Variants in STX8 observed in about 807,000 individuals in gnomAD.
The protein encoded by STX8 is syntaxin-8.
A neutral mutation model predicts 37.5 loss-of-function variants in STX8; 23 were observed. The ratio of observed to expected loss-of-function variants is 0.61; its 90% confidence interval spans 0.44 to 0.87. The LOEUF (loss-of-function observed/expected upper bound fraction) is 0.87. Among genes scored for constraint, STX8 ranks in the 40% least tolerant of loss-of-function variants. STX8 has a pLI of 0.00. For missense variants in STX8, 313 were observed against 284.7 expected, an observed-to-expected ratio of 1.10 and a Z score of -0.71; for synonymous variants, 115 against 99.1, an observed-to-expected ratio of 1.16 and a Z score of -0.95.
intron 7 of STX8, among the ~76,000 whole-genome samples, chr17:9,313,279 A>T (rs1278501977): frequency 6.6e-6 from 1 of 152,158 alleles, no homozygotes; most frequent in Non-Finnish European, 1.5e-5. Context: ...AGAAAGTCAA[A>T]ACGTATCAGT....
intron 6 of STX8, among the ~76,000 whole-genome samples, chr17:9,379,949 C>G (rs1448664553): frequency 1.3e-5 from 2 of 149,248 alleles, no homozygotes; most frequent in Non-Finnish European, 3.0e-5. Context: ...GTTTGGGCGA[C>G]AGAGAGAGAC....
intron 7 of STX8, among the ~76,000 whole-genome samples, chr17:9,376,143 C>T (rs373045249): frequency 3.9e-5 from 6 of 152,130 alleles, no homozygotes; most frequent in East Asian, 1.9e-4. Context: ...ACTTCTGGGT[C>T]GGGTGGGGAC....
intron 3 of STX8, among the ~76,000 whole-genome samples, chr17:9,550,817 G>A (rs1906731786): frequency 6.6e-6 from 1 of 152,168 alleles, no homozygotes; most frequent in Admixed American, 6.6e-5. Context: ...GCTCACACCT[G>A]TAATCCCAGC....
At chr17:9,260,665 C>T (rs1182640726) in intron 7 of STX8, among the ~76,000 whole-genome samples, 1 of 151,894 alleles carries the variant, frequency 6.6e-6, no homozygotes, top group Non-Finnish European at 1.5e-5. Flanking sequence ...CAACTGTGGT[C>T]TTTTGGGGTG....
At chr17:9,573,888 TAAAAC>T (rs769703891) in intron 1 of STX8, among the ~76,000 whole-genome samples, 13 of 151,904 alleles carry the variant, frequency 8.6e-5, no homozygotes, top group Non-Finnish European at 1.6e-4. Flanking sequence ...TTTGCAATGA[TAAAAC>T]AAAACAAAAC....
chr17:9,362,419 T>A (rs1457282572), intron 7 of STX8, among the ~76,000 whole-genome samples: 1 of 152,226 alleles, frequency 6.6e-6, no homozygotes, highest in Non-Finnish European at 1.5e-5. Flanking sequence ...CAATTACTTT[T>A]GAACACAGAA....
At chr17:9,460,754 T>C (rs913878052) in intron 6 of STX8, among the ~76,000 whole-genome samples, 1 of 152,054 alleles carries the variant, frequency 6.6e-6, no homozygotes, top group Admixed American at 6.5e-5. Flanking sequence ...AGTAAATATG[T>C]ATATGGTGGT....
At chr17:9,429,764 AT>A (rs375400269) in intron 6 of STX8, among the ~76,000 whole-genome samples, 1 of 23,806 alleles carries the variant, frequency 4.2e-5, no homozygotes, top group Admixed American at 6.3e-4. Flanking sequence ...TATTTTATAT[AT>A]TATATATAAC....
intron 4 of STX8, among the ~76,000 whole-genome samples, chr17:9,505,604 A>G (rs901439951): frequency 7.2e-5 from 11 of 152,134 alleles, no homozygotes; most frequent in African/African-American, 2.7e-4. Flanking sequence ...ACAGATTACA[A>G]TGTTGTTGTT....
chr17:9,428,239 TG>T (rs1276673952), intron 6 of STX8, among the ~76,000 whole-genome samples: 1 of 147,580 alleles, frequency 6.8e-6, no homozygotes, highest in African/African-American at 2.5e-5. Context: ...AAATGACTTT[TG>T]TTTTGTTTTG....
At chr17:9,301,737 T>A (rs1436351132) in intron 7 of STX8, among the ~76,000 whole-genome samples, 1 of 151,818 alleles carries the variant, frequency 6.6e-6, no homozygotes, top group African/African-American at 2.4e-5. Flanking sequence ...GATCCGTCCG[T>A]CTCGGCCTCC....
At chr17:9,339,084 A>G (rs2142228332) in intron 7 of STX8, among the ~76,000 whole-genome samples, 1 of 151,884 alleles carries the variant, frequency 6.6e-6, no homozygotes, top group East Asian at 1.9e-4. Context: ...AAAAAAAAAA[A>G]AAAAAAATTC....
intron 6 of STX8, among the ~76,000 whole-genome samples, chr17:9,486,412 T>C (rs1467054483): frequency 1.3e-5 from 2 of 152,164 alleles, no homozygotes; most frequent in East Asian, 1.9e-4. Flanking sequence ...CCAGCAGAGA[T>C]TTGTTCTTGG....
intron 7 of STX8, among the ~76,000 whole-genome samples, chr17:9,347,581 C>G (rs545777751): frequency 6.6e-6 from 1 of 152,094 alleles, no homozygotes; most frequent in African/African-American, 2.4e-5. Context: ...AGTGGCACGA[C>G]GTCAGCTCAT....
chr17:9,375,553 A>T (rs1911552014), intron 7 of STX8, among the ~76,000 whole-genome samples: 1 of 152,196 alleles, frequency 6.6e-6, no homozygotes, highest in Non-Finnish European at 1.5e-5. Context: ...AACAACATAT[A>T]TAACATTGTA....
At position 9,339,070 on chromosome 17, in the gene STX8, C is replaced by CAAAAAAAAAAAAA. The variant is rs34987749; in HGVS notation, c.643+39469_643+39481dup. 2.8e-3 allele frequency among the ~76,000 whole-genome samples: 195 copies of CAAAAAAAAAAAAA among 69,994 alleles called. 4 individuals carry two copies. Among genetic ancestry groups the CAAAAAAAAAAAAA allele is most frequent in the African/African-American group, 0.012 (187 of 15,484 alleles). The allele number at this position is 69,994 out of a possible 152,430, so 45.9% of individuals were successfully genotyped here. On this transcript the variant is annotated intron_variant, in intron 7 of 7. Transcript: ENST00000306357. Reference sequence around the variant, plus strand: ...TGGTTGACAAAGCGAGACTCCGTCTCAAAAAAAAAAAAAAAAAAAAATTCC... The same window carrying CAAAAAAAAAAAAA: ...TGGTTGACAAAGCGAGACTCCGTCTCAAAAAAAAAAAAAAAAAAAAAAAAAAAAAAAAAATTCC...
intron 7 of STX8, among the ~76,000 whole-genome samples, chr17:9,297,258 G>GA (rs1222844411): frequency 2.2e-5 from 3 of 134,914 alleles, no homozygotes; most frequent in Non-Finnish European, 4.8e-5. Flanking sequence ...AAAAAAAAAA[G>GA]AAAAAAAAAG....
chr17:9,496,312 G>A (rs1251509141), intron 5 of STX8, among the ~76,000 whole-genome samples: 1 of 152,120 alleles, frequency 6.6e-6, no homozygotes, highest in East Asian at 1.9e-4. Flanking sequence ...CTGACCTCAG[G>A]TGATCCAGCT....
At chr17:9,323,519 G>A (rs1307764082) in intron 7 of STX8, among the ~76,000 whole-genome samples, 2 of 152,116 alleles carry the variant, frequency 1.3e-5, no homozygotes, top group African/African-American at 4.8e-5. Context: ...TAGAAAAACA[G>A]AAAAGGAGAC....
Sources: allele counts gnomAD v4.1 joint callset (sites outside exome capture counted in the v4.1 genomes callset), GRCh38; gene constraint gnomAD v4.1.1; transcripts MANE v1.5; gene names NCBI Gene and HGNC (gene_info 2026-07-23, HGNC 2026-07-21).